PPARGC1B: variants seen among roughly 807,000 people sequenced by gnomAD.
The protein encoded by PPARGC1B is peroxisome proliferator-activated receptor gamma coactivator 1-beta.
Under a neutral mutation model 101.6 loss-of-function variants are expected in PPARGC1B, and 34 were observed. That is an observed-to-expected ratio of 0.33 (90% CI 0.25 to 0.45). PPARGC1B has a LOEUF of 0.45. PPARGC1B is among the 20% of genes least tolerant of loss of function. The pLI, the probability that PPARGC1B is intolerant of heterozygous loss-of-function variation, is 1.00. For missense variants in PPARGC1B, 1,234 were observed against 1,317.6 expected, an observed-to-expected ratio of 0.94 and a Z score of 0.98; for synonymous variants, 548 against 539.3, an observed-to-expected ratio of 1.02 and a Z score of -0.22.
At chr5:149,741,747 C>T (rs1459651325) in intron 1 of PPARGC1B, among the ~76,000 whole-genome samples, 6 of 152,160 alleles carry the variant, frequency 3.9e-5, no homozygotes, top group African/African-American at 2.4e-5. Context: ...CCTGCCTCAG[C>T]CTCCCGAGTA....
intron 1 of PPARGC1B, chr5:149,772,135 C>A (rs763274348): frequency 1.2e-6 from 2 of 1,603,668 alleles, no homozygotes; most frequent in Non-Finnish European, 1.7e-6. Context: ...GCCACCAGAG[C>A]AATGGTAGGT....
chr5:149,734,977 G>T (rs1695192968), intron 1 of PPARGC1B, among the ~76,000 whole-genome samples: 1 of 152,196 alleles, frequency 6.6e-6, no homozygotes, highest in African/African-American at 2.4e-5. Context: ...AGGGCCCCCT[G>T]CCACATGGAG....
At chr5:149,855,891 C>T (rs536770653), downstream of PPARGC1B, among the ~76,000 whole-genome samples, 316 of 151,958 alleles carry the variant, frequency 2.1e-3, no homozygotes, top group Non-Finnish European at 3.6e-3. Context: ...CTGAGGCGGG[C>T]GGATCACCTG....
At chr5:149,739,514 C>T (rs893142925) in intron 1 of PPARGC1B, among the ~76,000 whole-genome samples, 4 of 152,162 alleles carry the variant, frequency 2.6e-5, no homozygotes, top group Non-Finnish European at 4.4e-5. Context: ...GTACACCTTG[C>T]CATTTCCAGA....
chr5:149,820,665 C>A (rs946267811), intron 2 of PPARGC1B, 59 bp downstream of exon 2: 22 of 1,505,298 alleles, frequency 1.5e-5, no homozygotes, highest in Non-Finnish European at 2.0e-5. Context: ...TCCTCAAAAT[C>A]CCGGCTCTGC....
downstream of PPARGC1B, among the ~76,000 whole-genome samples, chr5:149,855,490 G>A (rs1430915631): frequency 6.6e-6 from 1 of 152,108 alleles, no homozygotes; most frequent in African/African-American, 2.4e-5. Context: ...ACTGTAGGAG[G>A]TATTTTGGCA....
At chr5:149,737,094 C>T (rs183110132) in intron 1 of PPARGC1B, among the ~76,000 whole-genome samples, 26 of 152,304 alleles carry the variant, frequency 1.7e-4, no homozygotes, top group African/African-American at 6.0e-4. Context: ...TCCTGACAAC[C>T]ACTGATCTTT....
intron 5 of PPARGC1B, among the ~76,000 whole-genome samples, chr5:149,834,189 A>G (rs879532934): frequency 6.6e-6 from 1 of 152,250 alleles, no homozygotes; most frequent in African/African-American, 2.4e-5. Context: ...CAGTAATGAT[A>G]ACAACAGTTA....
intron 1 of PPARGC1B, among the ~76,000 whole-genome samples, chr5:149,746,802 T>G (rs1755109686): frequency 6.6e-6 from 1 of 152,216 alleles, no homozygotes; most frequent in African/African-American, 2.4e-5. Flanking sequence ...GCCATCCTAA[T>G]GGATGTGAGG....
chr5:149,744,269 C>G (rs1246467436), intron 1 of PPARGC1B, among the ~76,000 whole-genome samples: 1 of 152,208 alleles, frequency 6.6e-6, no homozygotes, highest in Non-Finnish European at 1.5e-5. Context: ...ACAAGCTTGG[C>G]AGTCATGTCA....
At chr5:149,749,428 T>A (rs980668814) in intron 1 of PPARGC1B, among the ~76,000 whole-genome samples, 6 of 152,180 alleles carry the variant, frequency 3.9e-5, no homozygotes, top group Admixed American at 3.3e-4. Context: ...TCTGCCTGGT[T>A]GAGAAGAGAG....
Position 149,730,709 on chromosome 5 carries a change from G to A in PPARGC1B, c.78+289G>A, listed in dbSNP as rs1051072922. On this transcript the variant is annotated intron_variant, in intron 1 of 11. Coordinates refer to ENST00000309241, the MANE Select transcript of PPARGC1B (RefSeq NM_133263.4). The surrounding 1 kb of genome is among the most constrained non-coding windows in gnomAD (Gnocchi z 4.0). ...CGCGGGCAAAACTGGGGGGTACCGC[G>A]CTTCCTTTGGGAGGTGGAGGCGCGC... 3.3e-5 allele frequency among the ~76,000 whole-genome samples: 5 copies of A among 152,168 alleles called. No homozygotes were observed. The highest frequency in any genetic ancestry group is 7.4e-5 in the Non-Finnish European group (5 of 68,014).
intron 1 of PPARGC1B, among the ~76,000 whole-genome samples, chr5:149,816,938 C>G: frequency 6.6e-6 from 1 of 152,360 alleles, no homozygotes; most frequent in African/African-American, 2.4e-5. Flanking sequence ...CTACCCCCAT[C>G]ACACTTGGGG....
At chr5:149,825,879 C>G (rs140317153) in intron 2 of PPARGC1B, among the ~76,000 whole-genome samples, 318 of 152,306 alleles carry the variant, frequency 2.1e-3, no homozygotes, top group Non-Finnish European at 3.8e-3. Flanking sequence ...AGTAGCAGCA[C>G]TAGCAGTGGT....
At chr5:149,840,853 G>A (rs559036380) in intron 9 of PPARGC1B, among the ~76,000 whole-genome samples, 1 of 152,322 alleles carries the variant, frequency 6.6e-6, no homozygotes, top group African/African-American at 2.4e-5. Context: ...ATGTGATGTG[G>A]CACTTCAGGG....
Position 149,852,182 on chromosome 5 carries a change from C to T in PPARGC1B, c.*4624C>T, listed in dbSNP as rs1323408457. The T allele has an allele frequency of 1.3e-5, 2 of 152,112 alleles. No homozygotes were observed. Among genetic ancestry groups the T allele is most frequent in the Non-Finnish European group, 2.9e-5 (2 of 68,038 alleles). The allele number at this position is 152,112 out of a possible 1,614,324, so 9.4% of individuals were successfully genotyped here. On this transcript the variant is annotated 3_prime_UTR_variant, in exon 12 of 12. Transcript: ENST00000309241. ...ACCTTTACAGAAAGATGAAAACAGCCCAGCTGAGTGAAATGAGTTTGTAGA... is the reference window on the plus strand; with the variant it reads ...ACCTTTACAGAAAGATGAAAACAGCTCAGCTGAGTGAAATGAGTTTGTAGA...
chr5:149,800,513 G>T (rs1288365510), intron 1 of PPARGC1B, among the ~76,000 whole-genome samples: 3 of 152,242 alleles, frequency 2.0e-5, no homozygotes, highest in Admixed American at 6.5e-5. Flanking sequence ...GCACTCTCTA[G>T]CTGTGTGACC....
chr5:149,838,121 AT>A (rs79527608), intron 8 of PPARGC1B, among the ~76,000 whole-genome samples: 18 of 151,570 alleles, frequency 1.2e-4, no homozygotes, highest in African/African-American at 4.1e-4. Flanking sequence ...GCAAAAAAAA[AT>A]TTTTTTTTGT....
intron 1 of PPARGC1B, among the ~76,000 whole-genome samples, chr5:149,731,232 G>A (rs1251517525): frequency 1.3e-5 from 2 of 152,212 alleles, no homozygotes; most frequent in African/African-American, 4.8e-5. Context: ...GTGCTCTGGT[G>A]TGCCGGGGCG....
Sources: gnomAD v4.1 joint callset for allele counts (sites outside exome capture counted in the v4.1 genomes callset) on GRCh38, gnomAD v4.1.1 for gene constraint, Gnocchi (gnomAD v3.1) non-coding constraint, MANE v1.5 for transcripts, NCBI Gene and HGNC (gene_info 2026-07-23, HGNC 2026-07-21) for gene names.